Variants in EBF1 observed in about 807,000 individuals in gnomAD.
EBF1 encodes transcription factor COE1.
A neutral mutation model predicts 68.4 loss-of-function variants in EBF1; 10 were observed. The observed-to-expected ratio is 0.15, with a 90% CI of 0.09 to 0.25. The LOEUF is 0.25. EBF1 is among the 10% of genes least tolerant of loss of function. The pLI is 1.00. For missense variants in EBF1, 509 were observed against 794.4 expected, an observed-to-expected ratio of 0.64 and a Z score of 4.32; for synonymous variants, 298 against 299.8, an observed-to-expected ratio of 0.99 and a Z score of 0.06.
intron 10 of EBF1, among the ~76,000 whole-genome samples, chr5:158,754,183 A>G (rs1181407946): frequency 6.6e-6 from 1 of 152,120 alleles, no homozygotes; most frequent in African/African-American, 2.4e-5. Flanking sequence ...AAGCTCTAGC[A>G]GAAGTTCACC....
At chr5:159,087,277 C>CACATATATATATACACACACAT (rs1780817968) in intron 4 of EBF1, among the ~76,000 whole-genome samples, 2 of 137,146 alleles carry the variant, frequency 1.5e-5, no homozygotes, top group Non-Finnish European at 3.1e-5. Flanking sequence ...TACACACACA[C>CACATATATATATACACACACAT]ATATATATAT....
At chr5:159,002,889 A>G (rs1762820702) in intron 6 of EBF1, among the ~76,000 whole-genome samples, 2 of 152,226 alleles carry the variant, frequency 1.3e-5, no homozygotes, top group Admixed American at 6.5e-5. Flanking sequence ...ATGGAGAGCT[A>G]GAGGACTAAT....
intron 6 of EBF1, among the ~76,000 whole-genome samples, chr5:158,899,969 C>A (rs1311803183): frequency 6.6e-6 from 1 of 152,136 alleles, no homozygotes; most frequent in African/African-American, 2.4e-5. Flanking sequence ...TGGATGGCAT[C>A]ATCGAACCCA....
At chr5:158,764,590 G>T (rs1169703133) in intron 10 of EBF1, among the ~76,000 whole-genome samples, 1 of 152,134 alleles carries the variant, frequency 6.6e-6, no homozygotes, top group Non-Finnish European at 1.5e-5. Flanking sequence ...GAGAGACACA[G>T]GCTACACACA....
chr5:158,915,532 C>G (rs945915420), intron 6 of EBF1, among the ~76,000 whole-genome samples: 2 of 152,186 alleles, frequency 1.3e-5, no homozygotes, highest in Non-Finnish European at 2.9e-5. Flanking sequence ...TGAACAAGAA[C>G]TTTTAACTAG....
At chr5:158,860,436 C>T (rs572612116) in intron 6 of EBF1, among the ~76,000 whole-genome samples, 2 of 152,164 alleles carry the variant, frequency 1.3e-5, no homozygotes, top group Non-Finnish European at 2.9e-5. Flanking sequence ...CGCCTACTCA[C>T]CCTGGCTTCT....
rs1331633073 is a variant in EBF1 at position 158,696,843 on chromosome 5, A to C, written c.*2268T>G. Reference sequence around the variant, plus strand: ...AATGATTTCTTGCTCTACTAGAAAAAGTTACATTGTCTTAAGGTAACAAAA... The same window carrying C: ...AATGATTTCTTGCTCTACTAGAAAACGTTACATTGTCTTAAGGTAACAAAA... On this transcript the variant is annotated 3_prime_UTR_variant, in exon 16 of 16. Coordinates refer to ENST00000313708, the MANE Select transcript of EBF1 (RefSeq NM_024007.5). 1.5e-5 allele frequency: 3 copies of C among 199,876 alleles called. No homozygotes were observed. The highest frequency in any genetic ancestry group is 2.3e-5 in the African/African-American group (1 of 43,370). The allele number at this position is 199,876 out of a possible 1,614,324, so 12.4% of individuals were successfully genotyped here.
At chr5:158,930,476 A>AGC (rs1277839577) in intron 6 of EBF1, among the ~76,000 whole-genome samples, 1 of 152,124 alleles carries the variant, frequency 6.6e-6, no homozygotes, top group Non-Finnish European at 1.5e-5. Context: ...CCACCTTCCC[A>AGC]TGCCCTGGAG....
chr5:158,823,095 C>T (rs959172257), intron 8 of EBF1, 81 bp downstream of exon 8: 3 of 1,581,124 alleles, frequency 1.9e-6, no homozygotes, highest in South Asian at 1.1e-5. Flanking sequence ...CAGAATAGAA[C>T]ATGTGGTGGA....
At chr5:159,063,813 C>T (rs1776276873) in intron 6 of EBF1, among the ~76,000 whole-genome samples, 1 of 152,190 alleles carries the variant, frequency 6.6e-6, no homozygotes. Context: ...CAAGAGCTAC[C>T]TGATTTTAAG....
chr5:159,023,190 TAA>T (rs11291084), intron 6 of EBF1, among the ~76,000 whole-genome samples: 14,554 of 142,322 alleles, frequency 0.1, 734 homozygotes, highest in Non-Finnish European at 0.12. Flanking sequence ...ATTTTCTCAC[TAA>T]AAAAAAAAAA....
intron 6 of EBF1, among the ~76,000 whole-genome samples, chr5:158,913,816 AAATAAAT>A (rs1201980492): frequency 7.2e-5 from 11 of 152,246 alleles, no homozygotes; most frequent in Admixed American, 7.2e-4. Flanking sequence ...CAACAGACTG[AAATAAAT>A]ATGCTCCGCA....
chr5:158,723,952 G>T (rs552217188), intron 11 of EBF1, among the ~76,000 whole-genome samples: 1 of 152,030 alleles, frequency 6.6e-6, no homozygotes, highest in Non-Finnish European at 1.5e-5. Context: ...ACACACACAG[G>T]AATTCTAAAT....
intron 5 of EBF1, among the ~76,000 whole-genome samples, chr5:159,076,792 T>C (rs1469059): frequency 0.51 from 77,715 of 151,938 alleles, 21,401 homozygotes; most frequent in African/African-American, 0.73. Context: ...ACAGTATGAT[T>C]CTGTTAAATA....
At chr5:158,995,522 C>T (rs887027788) in intron 6 of EBF1, among the ~76,000 whole-genome samples, 2 of 152,154 alleles carry the variant, frequency 1.3e-5, no homozygotes, top group Admixed American at 6.5e-5. Context: ...AAATAATCTT[C>T]CAGTGCAAGA....
intron 6 of EBF1, among the ~76,000 whole-genome samples, chr5:158,922,515 C>A (rs1808657191): frequency 6.6e-6 from 1 of 152,130 alleles, no homozygotes; most frequent in Non-Finnish European, 1.5e-5. Flanking sequence ...TTGTGGATAA[C>A]AAAGAGAATT....
intron 6 of EBF1, among the ~76,000 whole-genome samples, chr5:159,030,382 A>G (rs2127741080): frequency 6.6e-6 from 1 of 152,292 alleles, no homozygotes; most frequent in African/African-American, 2.4e-5. Context: ...ATCCCAGCAT[A>G]AGCAAAGGAG....
intron 6 of EBF1, among the ~76,000 whole-genome samples, chr5:158,958,609 T>C (rs1241248798): frequency 1.3e-5 from 2 of 152,186 alleles, no homozygotes; most frequent in African/African-American, 4.8e-5. Context: ...ACCTAAATTA[T>C]AGGCCTGTTG....
intron 6 of EBF1, among the ~76,000 whole-genome samples, chr5:159,060,504 A>T (rs1228846431): frequency 6.6e-6 from 1 of 152,228 alleles, no homozygotes; most frequent in Non-Finnish European, 1.5e-5. Flanking sequence ...GAAAAATGCA[A>T]CCTAGGTTCT....
Sources: allele counts gnomAD v4.1 joint callset (sites outside exome capture counted in the v4.1 genomes callset), GRCh38; gene constraint gnomAD v4.1.1; transcripts MANE v1.5; gene names NCBI Gene and HGNC (gene_info 2026-07-23, HGNC 2026-07-21).